Variants in SREBF1 observed in about 807,000 individuals in gnomAD.
SREBF1 encodes the protein sterol regulatory element-binding protein 1.
A neutral mutation model predicts 100.1 loss-of-function variants in SREBF1; 45 were observed. The observed-to-expected ratio is 0.45, with a 90% confidence interval of 0.35 to 0.58. The LOEUF (loss-of-function observed/expected upper bound fraction) is 0.58, where lower values mean the gene tolerates loss of function less well. Ranked by LOEUF, SREBF1 falls within the 20% of genes least tolerant of loss-of-function variation. The pLI, the probability that SREBF1 is intolerant of heterozygous loss-of-function variation, is 0.00. For missense variants in SREBF1, 1,324 were observed against 1,539.4 expected (o/e 0.86, Z 2.34); for synonymous variants, 657 against 681.8 (o/e 0.96, Z 0.57).
chr17:17,814,967 G>A (rs1378478942), intron 13 of SREBF1, 23 bp from the exon 14 acceptor site: 1 of 1,551,414 alleles, frequency 6.4e-7, no homozygotes, highest in Non-Finnish European at 8.7e-7. Flanking sequence ...AGAGCTGGCT[G>A]TCGGAACAGA....
chr17:17,814,948 T>TG lies in SREBF1; in HGVS notation c.2493-5dup, dbSNP rs1399663401. 1 of 1,560,988 alleles carries TG rather than the reference T, an allele frequency of 6.4e-7. No homozygotes were observed. Among genetic ancestry groups the TG allele is most frequent in the African/African-American group, 1.4e-5 (1 of 73,812 alleles). On this transcript the variant is annotated splice_region_variant and splice_polypyrimidine_tract_variant and intron_variant, in intron 13 of 18. Coordinates refer to ENST00000261646, the MANE Select transcript of SREBF1 (RefSeq NM_004176.5). Reference sequence around the variant, plus strand: ...CCCGAGGGCATCCGAGAATTCCCTGTGGAAGGAGAGAGCTGGCTGTCGGAA... The same window carrying TG: ...CCCGAGGGCATCCGAGAATTCCCTGTGGGAAGGAGAGAGCTGGCTGTCGGAA...
In SREBF1 at chr17:17,817,055, A is replaced by G. The variant is rs2033666554; in HGVS notation, c.1688T>C (p.Leu563Pro). Residue 563 changes from leucine to proline, a missense_variant, in exon 9 of 19, where the codon CTT becomes CCT. Coordinates refer to ENST00000261646, the MANE Select transcript of SREBF1 (RefSeq NM_004176.5). The surrounding 1 kb of genome is among the most constrained non-coding windows in gnomAD (Gnocchi z 6.6). ...NGLLVLVSLV[L>P]LFVYGEPVTR... ...GACTGGCTCACCGTAGACAAAGAGA[A>G]GCACCAAGGAGACGAGCACCAACAG... 10 of 1,613,148 alleles carry G rather than the reference A, an allele frequency of 6.2e-6. No individual in the cohort carries two copies. The highest frequency in any genetic ancestry group is 7.6e-6 in the Non-Finnish European group (9 of 1,180,014).
At position 17,817,552 on chromosome 17, in the gene SREBF1, C is replaced by T. The variant is rs2033726522; in HGVS notation, c.1405-95G>A. On this transcript the variant is annotated intron_variant, in intron 7 of 18. Coordinates refer to ENST00000261646, the MANE Select transcript of SREBF1 (RefSeq NM_004176.5). This position sits in a 1 kb window ranked among gnomAD's most constrained non-coding sequence, Gnocchi z 6.6. ...GGGGGTCAGGATTCTGCCCACCTTA[C>T]TGTGGGACCCCACGTGGCTCCAGGC... is the stretch of plus-strand genomic sequence containing the variant. The T allele has an allele frequency of 6.6e-7, 1 of 1,524,486 alleles. No individual in the cohort carries two copies. The highest frequency in any genetic ancestry group is 8.9e-7 in the Non-Finnish European group (1 of 1,121,036). 94.4% of individuals were successfully genotyped at this position (1,524,486 alleles called of 1,614,324 possible).
chr17:17,826,253 G>A (rs2034482325), intron 1 of SREBF1, among the ~76,000 whole-genome samples: 1 of 151,350 alleles, frequency 6.6e-6, no homozygotes, highest in Non-Finnish European at 1.5e-5. Flanking sequence ...CAGTATTCAC[G>A]TTGGAGCTCC....
In SREBF1 at chr17:17,817,606, G is replaced by T. The variant is rs1202642880; in HGVS notation, c.1404+90C>A. 2 of 1,563,980 alleles carry T rather than the reference G, an allele frequency of 1.3e-6. No homozygotes were observed. The highest frequency in any genetic ancestry group is 2.3e-5 in the East Asian group (1 of 43,674). ...AGTTATTCTGTCTATGAAATGGGAG[G>T]TAGGATCTGTTAGGGTCTTCCCGGC... On this transcript the variant is annotated intron_variant, in intron 7 of 18. Transcript: ENST00000261646. This position sits in a 1 kb window ranked among gnomAD's most constrained non-coding sequence, Gnocchi z 6.6.
At chr17:17,814,161 C>T (rs2033278660) in intron 16 of SREBF1, 84 bp downstream of exon 16, 2 of 1,455,944 alleles carry the variant, frequency 1.4e-6, no homozygotes, top group Admixed American at 2.0e-5. Context: ...TGGTCTTCTG[C>T]AGCCCCTGGG....
intron 1 of SREBF1, among the ~76,000 whole-genome samples, chr17:17,825,935 G>T (rs535729328): frequency 6.6e-6 from 1 of 152,150 alleles, no homozygotes; most frequent in Non-Finnish European, 1.5e-5. Context: ...CTGGTCACCA[G>T]GTTAAGACTG....
intron 13 of SREBF1, 131 bp from the exon 14 acceptor site, chr17:17,815,075 G>A: frequency 8.2e-7 from 1 of 1,214,640 alleles, no homozygotes; most frequent in Non-Finnish European, 1.2e-6. Context: ...ACAGGCTGGT[G>A]GGGAGAGGAA....
In SREBF1 at chr17:17,819,691, AGGCAGC is replaced by A. The variant is rs1717002756; in HGVS notation, c.552_557del (p.Leu185_Pro186del). ...CTGGCGGGGAAGCCAGTGGCAGGCCAGGCAGCGGCTGCTGGGTGTTCCCGGGAGGGC... is the reference window on the plus strand; with the variant it reads ...CTGGCGGGGAAGCCAGTGGCAGGCCAGGCTGCTGGGTGTTCCCGGGAGGGC... On this transcript the variant is annotated inframe_deletion, in exon 3 of 19. Coordinates refer to ENST00000261646, the MANE Select transcript of SREBF1 (RefSeq NM_004176.5). 6.2e-7 allele frequency: 1 copy of A among 1,609,550 alleles called. No individual in the cohort carries two copies. The highest frequency in any genetic ancestry group is 8.5e-7 in the Non-Finnish European group (1 of 1,178,918).
intron 1 of SREBF1, among the ~76,000 whole-genome samples, chr17:17,832,899 T>A (rs574266773): frequency 4.7e-5 from 7 of 148,442 alleles, no homozygotes; most frequent in Non-Finnish European, 6.0e-5. Flanking sequence ...CCAGCCTGGG[T>A]GACAGAGCAA....
chr17:17,819,388 C>A lies in SREBF1; in HGVS notation c.778G>T (p.Ala260Ser), dbSNP rs1376831663. 6.2e-7 allele frequency: 1 copy of A among 1,613,854 alleles called. No individual in the cohort carries two copies. The highest frequency in any genetic ancestry group is 1.1e-5 in the South Asian group (1 of 91,088). The part of the protein sequence containing the change: ...LLLTAMKTDG[A>S]TVKAAGLSPL... Reference sequence around the variant, plus strand: ...CTGAGACCTGCCGCCTTCACAGTGGCTCCGTCTGTCTTCATGGCTGTCAGA... The same window carrying A: ...CTGAGACCTGCCGCCTTCACAGTGGATCCGTCTGTCTTCATGGCTGTCAGA... The change falls in exon 4 of 19, where the codon GCC becomes TCC. Residue 260 changes from alanine (A) to serine (S), a missense_variant. Coordinates refer to ENST00000261646, the MANE Select transcript of SREBF1 (RefSeq NM_004176.5).
In SREBF1 at chr17:17,817,056, G is replaced by A. The variant is rs200411629; in HGVS notation, c.1687C>T (p.Leu563Phe). 2.7e-5 allele frequency: 43 copies of A among 1,613,164 alleles called. No individual in the cohort carries two copies. The African/African-American group carries it at 5.1e-4, about 19-fold the overall frequency. Residue 563 changes from leucine (L) to phenylalanine (F), a missense_variant, in exon 9 of 19, where the codon CTT becomes TTT. Leu to Phe is a conservative substitution (Grantham distance 22). Transcript: ENST00000261646. This position sits in a 1 kb window ranked among gnomAD's most constrained non-coding sequence, Gnocchi z 6.6. ...NGLLVLVSLVLLFVYGEPVTR... is the reference protein window; with the variant it reads ...NGLLVLVSLVFLFVYGEPVTR... ...ACTGGCTCACCGTAGACAAAGAGAA[G>A]CACCAAGGAGACGAGCACCAACAGC... is the stretch of plus-strand genomic sequence containing the variant.
At chr17:17,829,205 A>ATATATATATATAT (rs1555572777) in intron 1 of SREBF1, among the ~76,000 whole-genome samples, 2 of 65,850 alleles carry the variant, frequency 3.0e-5, no homozygotes, top group East Asian at 2.7e-4. Flanking sequence ...AAAAAAAAAA[A>ATATATATATATAT]ATATATATAT....
rs552679724 is a variant in SREBF1, at chr17:17,812,185, C to T, written c.*437G>A. ...GAGCCTCAGGTCAGGAGGCTAAGCACGCTGACCTACACTATGTACACGTCT... is the reference window on the plus strand; with the variant it reads ...GAGCCTCAGGTCAGGAGGCTAAGCATGCTGACCTACACTATGTACACGTCT... On this transcript the variant is annotated 3_prime_UTR_variant, in exon 19 of 19. Coordinates refer to ENST00000261646, the MANE Select transcript of SREBF1 (RefSeq NM_004176.5). 3.3e-5 allele frequency: 14 copies of T among 429,764 alleles called. No individual in the cohort carries two copies. The East Asian group carries it at 9.7e-4, about 30-fold the overall frequency. The allele number at this position is 429,764 out of a possible 1,614,324, so 26.6% of individuals were successfully genotyped here.
intron 1 of SREBF1, among the ~76,000 whole-genome samples, chr17:17,829,993 G>A (rs764017295): frequency 4.6e-5 from 7 of 152,074 alleles, no homozygotes; most frequent in Non-Finnish European, 1.0e-4. Flanking sequence ...CATGGCGGGG[G>A]GTGCTCCCCA....
Position 17,817,762 on chromosome 17 carries a change from C to G in SREBF1, c.1338G>C (p.Arg446Ser), listed in dbSNP as rs1305221124. 1 of 1,613,668 alleles carries G rather than the reference C, an allele frequency of 6.2e-7. No homozygotes were observed. The highest frequency in any genetic ancestry group is 8.5e-7 in the Non-Finnish European group (1 of 1,180,022). Residue 446 changes from arginine (R) to serine (S), a missense_variant, in exon 7 of 19, where the codon AGG becomes AGC. Transcript: ENST00000261646. The surrounding 1 kb of genome is among the most constrained non-coding windows in gnomAD (Gnocchi z 6.6). ...TGCCACTGCCACCGCTGCCACTGCCCCTGCTGCCAAGGGACAAGGGGCTGC... is the reference window on the plus strand; with the variant it reads ...TGCCACTGCCACCGCTGCCACTGCCGCTGCTGCCAAGGGACAAGGGGCTGC... The part of the protein sequence containing the change: ...FQSSPLSLGS[R>S]GSGSGGSGSD...
Position 17,817,592 on chromosome 17 carries a change from C to CT in SREBF1, c.1404+103dup, listed in dbSNP as rs1470977796. 2 of 1,546,890 alleles carry CT rather than the reference C, an allele frequency of 1.3e-6. No individual in the cohort carries two copies. Among genetic ancestry groups the CT allele is most frequent in the African/African-American group, 1.4e-5 (1 of 73,432 alleles). ...TGGCTCCAGGCCTCAGTTATTCTGTCTATGAAATGGGAGGTAGGATCTGTT... is the reference window on the plus strand; with the variant it reads ...TGGCTCCAGGCCTCAGTTATTCTGTCTTATGAAATGGGAGGTAGGATCTGTT... On this transcript the variant is annotated intron_variant, in intron 7 of 18. Coordinates refer to ENST00000261646, the MANE Select transcript of SREBF1 (RefSeq NM_004176.5). The surrounding 1 kb of genome is among the most constrained non-coding windows in gnomAD (Gnocchi z 6.6).
At chr17:17,831,923 C>T (rs947678495) in intron 1 of SREBF1, among the ~76,000 whole-genome samples, 2 of 152,212 alleles carry the variant, frequency 1.3e-5, no homozygotes, top group Admixed American at 1.3e-4. Flanking sequence ...GGCCCAAGGC[C>T]CTTGGCTGGC....
rs2033582020 is a variant in SREBF1 at position 17,816,317 on chromosome 17, G to A, written c.2104C>T (p.Leu702=). The change falls in exon 11 of 19, where the codon CTG becomes TTG. Residue 702 remains leucine (L), a synonymous_variant. Coordinates refer to ENST00000261646, the MANE Select transcript of SREBF1 (RefSeq NM_004176.5). ...ATNLALSALN[L]AECAGDAVSV... is the part of the protein sequence containing the mutation. ...ACGGCATCCCCTGCACACTCTGCCA[G>A]GTTCAGGGCACTCAGCGCCAGGTTG... 6.3e-7 allele frequency: 1 copy of A among 1,588,130 alleles called. No individual in the cohort carries two copies. Among genetic ancestry groups the A allele is most frequent in the Non-Finnish European group, 8.5e-7 (1 of 1,170,138 alleles).
Sources: allele counts gnomAD v4.1 joint callset (sites outside exome capture counted in the v4.1 genomes callset), GRCh38; gene constraint gnomAD v4.1.1; non-coding constraint Gnocchi (gnomAD v3.1); transcripts MANE v1.5; gene names NCBI Gene and HGNC (gene_info 2026-07-23, HGNC 2026-07-21).